Variants in CALD1 observed in about 807,000 individuals in gnomAD.
CALD1 encodes caldesmon.
A neutral mutation model predicts 99.9 loss-of-function variants in CALD1; 33 were observed. That is an observed-to-expected ratio of 0.33 (90% confidence interval 0.25 to 0.44). The LOEUF (loss-of-function observed/expected upper bound fraction) is 0.44, where lower values mean the gene tolerates loss of function less well. Ranked by LOEUF, CALD1 falls within the 20% of genes least tolerant of loss-of-function variation. CALD1 has a pLI of 1.00. For synonymous variants in CALD1, 310 were observed against 325.0 expected (o/e 0.95, Z 0.50); for missense variants, 861 against 962.1 (o/e 0.89, Z 1.39).
At chr7:134,855,851 T>C (rs1053665474) in intron 2 of CALD1, among the ~76,000 whole-genome samples, 1 of 152,246 alleles carries the variant, frequency 6.6e-6, no homozygotes, top group African/African-American at 2.4e-5. Flanking sequence ...TCTTTCAAGA[T>C]ATTTAGCCCG....
chr7:134,954,792 C>T (rs751212124), intron 9 of CALD1, among the ~76,000 whole-genome samples: 5 of 152,202 alleles, frequency 3.3e-5, no homozygotes, highest in Non-Finnish European at 5.9e-5. Context: ...CACCACGCTG[C>T]GTGCCTTGTG....
chr7:134,765,740 AT>A (rs1796819936), intron 1 of CALD1, among the ~76,000 whole-genome samples: 2 of 152,180 alleles, frequency 1.3e-5, no homozygotes, highest in Non-Finnish European at 2.9e-5. Flanking sequence ...GTTTAGCACC[AT>A]CTTCTTGGTG....
At chr7:134,819,312 A>G (rs561401171) in intron 1 of CALD1, among the ~76,000 whole-genome samples, 14 of 152,032 alleles carry the variant, frequency 9.2e-5, no homozygotes, top group African/African-American at 3.4e-4. Flanking sequence ...AGCTTAACAG[A>G]CTCAAGTTTG....
chr7:134,962,969 T>C, intron 13 of CALD1: 2 of 455,636 alleles, frequency 4.4e-6, no homozygotes, highest in Admixed American at 4.7e-5. Flanking sequence ...TGATTTAAAA[T>C]GCCAACTTAT....
At chr7:134,869,352 G>C (rs756559635) in intron 3 of CALD1, among the ~76,000 whole-genome samples, 1 of 152,184 alleles carries the variant, frequency 6.6e-6, no homozygotes, top group Non-Finnish European at 1.5e-5. Context: ...GGAATAGACA[G>C]AGACTTAACA....
chr7:134,795,711 T>C (rs539108240), intron 1 of CALD1, among the ~76,000 whole-genome samples: 3 of 152,304 alleles, frequency 2.0e-5, no homozygotes, highest in Admixed American at 2.0e-4. Context: ...AAATGTGCTA[T>C]TATGATTGGG....
At chr7:134,949,569 C>T (rs1020855346) in intron 8 of CALD1, among the ~76,000 whole-genome samples, 35 of 152,068 alleles carry the variant, frequency 2.3e-4, no homozygotes, top group Admixed American at 1.5e-3. Context: ...TCACTTGAAG[C>T]GGGGAGCAAC....
chr7:134,753,411 G>A (rs867514357), intron 1 of CALD1, among the ~76,000 whole-genome samples: 38 of 152,328 alleles, frequency 2.5e-4, no homozygotes, highest in South Asian at 8.3e-4. Flanking sequence ...TCTGCCAGGT[G>A]CCACCAATCA....
At chr7:134,854,822 T>C (rs1800229419) in intron 2 of CALD1, among the ~76,000 whole-genome samples, 1 of 152,196 alleles carries the variant, frequency 6.6e-6, no homozygotes, top group Admixed American at 6.5e-5. Flanking sequence ...TTTGGATTTG[T>C]GTCCCTGCCA....
In CALD1 at chr7:134,968,905, G is replaced by A. The variant is rs572640681; in HGVS notation, c.*560G>A. ...CTGTTAAGGTATTACTTTTTTTCAT[G>A]CTGATGATTCATATCTAAATTACAT... On this transcript the variant is annotated 3_prime_UTR_variant, in exon 15 of 15. Coordinates refer to ENST00000361675, the MANE Select transcript of CALD1 (RefSeq NM_033138.4). 5.7e-6 allele frequency: 1 copy of A among 175,958 alleles called. No homozygotes were observed. The highest frequency in any genetic ancestry group is 1.2e-4 in the South Asian group (1 of 8,298). 10.9% of individuals were successfully genotyped at this position (175,958 alleles called of 1,614,324 possible).
chr7:134,895,298 ATGTGTGTGTG>A (rs71172482), intron 3 of CALD1, among the ~76,000 whole-genome samples: 6,631 of 138,680 alleles, frequency 0.048, 420 homozygotes, highest in African/African-American at 0.15. Flanking sequence ...TTATATATGT[ATGTGTGTGTG>A]TGTGTGTGTG....
chr7:134,834,025 T>C (rs1348814576), intron 1 of CALD1, among the ~76,000 whole-genome samples: 2 of 152,200 alleles, frequency 1.3e-5, no homozygotes, highest in Non-Finnish European at 2.9e-5. Context: ...CAAGTTTATA[T>C]GGATAGCTTT....
At chr7:134,773,718 C>T (rs1195393694) in intron 1 of CALD1, among the ~76,000 whole-genome samples, 1 of 152,026 alleles carries the variant, frequency 6.6e-6, no homozygotes, top group Non-Finnish European at 1.5e-5. Flanking sequence ...CTTCTCTTAT[C>T]TCACTGAGAA....
intron 1 of CALD1, among the ~76,000 whole-genome samples, chr7:134,836,143 CAAAAAAAA>C (rs377048601): frequency 1.0e-4 from 7 of 68,574 alleles, no homozygotes; most frequent in African/African-American, 4.0e-4. Context: ...GACTTCATCT[CAAAAAAAA>C]AAAAAAAAAA....
intron 1 of CALD1, among the ~76,000 whole-genome samples, chr7:134,749,253 G>A (rs1189307492): frequency 3.3e-5 from 5 of 152,208 alleles, no homozygotes; most frequent in Non-Finnish European, 7.3e-5. Context: ...TGTCTTCAAA[G>A]GAACACCTCT....
intron 1 of CALD1, among the ~76,000 whole-genome samples, chr7:134,746,473 G>C (rs1796635881): frequency 6.6e-6 from 1 of 152,240 alleles, no homozygotes; most frequent in South Asian, 2.1e-4. Flanking sequence ...AATTAGTACT[G>C]AGAAGTGGGG....
intron 3 of CALD1, among the ~76,000 whole-genome samples, chr7:134,876,047 G>A (rs1018083715): frequency 5.9e-5 from 9 of 152,082 alleles, no homozygotes; most frequent in African/African-American, 1.4e-4. Context: ...ATCATCTTCC[G>A]CAGGGGAACA....
chr7:134,918,942 G>A (rs969005451), intron 3 of CALD1, among the ~76,000 whole-genome samples: 9 of 152,214 alleles, frequency 5.9e-5, no homozygotes, highest in Non-Finnish European at 1.2e-4. Context: ...CGAGGCTGCA[G>A]TGAGCCAAGA....
the CALD1 span, among the ~76,000 whole-genome samples, chr7:134,712,046 AGAGG>A: frequency 4.6e-3 from 171 of 36,860 alleles, 1 homozygote; most frequent in East Asian, 0.03. Context: ...AAGGAGGGAG[AGAGG>A]GAGGGAGGGA....
Sources: gnomAD v4.1 joint callset for allele counts (sites outside exome capture counted in the v4.1 genomes callset) on GRCh38, gnomAD v4.1.1 for gene constraint, MANE v1.5 for transcripts, NCBI Gene and HGNC (gene_info 2026-07-23, HGNC 2026-07-21) for gene names.